SLC6A11: variants seen among roughly 807,000 people sequenced by gnomAD.
The protein encoded by SLC6A11 is solute carrier family 6 member 11, also known as sodium- and chloride-dependent GABA transporter 3.
SLC6A11 carries 25 observed loss-of-function variants against 74.8 expected under a neutral mutation model. The observed-to-expected ratio is 0.33, with a 90% CI of 0.24 to 0.47. The LOEUF is 0.47. Among genes scored for constraint, SLC6A11 ranks in the 20% least tolerant of loss-of-function variants. The pLI, the probability that SLC6A11 is intolerant of heterozygous loss-of-function variation, is 1.00. For missense variants in SLC6A11, 574 were observed against 837.0 expected (o/e 0.69, Z 3.88); for synonymous variants, 330 against 330.2 (o/e 1.00, Z 0.01).
Position 10,853,784 on chromosome 3 carries a change from C to T in SLC6A11, c.756+9438C>T, listed in dbSNP as rs146116704. ...GAATCACATCTATGAAATACCTTCA[C>T]GGCAACACCTTGATTCATGTTTGAT... On this transcript the variant is annotated intron_variant, in intron 5 of 13. Transcript: ENST00000254488. Among the ~76,000 whole-genome samples the T allele has an allele frequency of 2.1e-3, 327 of 152,344 alleles. 2 individuals are homozygous for T. Among genetic ancestry groups the T allele is most frequent in the African/African-American group, 7.6e-3 (315 of 41,588 alleles).
intron 6 of SLC6A11, among the ~76,000 whole-genome samples, chr3:10,888,248 G>A (rs932892627): frequency 3.3e-5 from 5 of 152,172 alleles, no homozygotes; most frequent in Admixed American, 3.3e-4. Context: ...CTTCCTCCTT[G>A]CAGATTTGTT....
intron 6 of SLC6A11, among the ~76,000 whole-genome samples, chr3:10,882,996 C>T (rs547890788): frequency 6.6e-6 from 1 of 152,286 alleles, no homozygotes; most frequent in South Asian, 2.1e-4. Flanking sequence ...CTCATTTTTG[C>T]CTCCACCTTG....
chr3:10,859,147 G>C (rs1169889967), intron 5 of SLC6A11, among the ~76,000 whole-genome samples: 2 of 152,180 alleles, frequency 1.3e-5, no homozygotes, highest in African/African-American at 4.8e-5. Flanking sequence ...GAATAGGAGG[G>C]GGCTGAGACC....
At chr3:10,901,375 G>A (rs985032987) in intron 6 of SLC6A11, among the ~76,000 whole-genome samples, 1 of 152,178 alleles carries the variant, frequency 6.6e-6, no homozygotes, top group African/African-American at 2.4e-5. Context: ...CACACAAAGG[G>A]GCCACCGGGG....
At chr3:10,870,657 C>T (rs1222726505) in intron 5 of SLC6A11, among the ~76,000 whole-genome samples, 1 of 152,190 alleles carries the variant, frequency 6.6e-6, no homozygotes, top group South Asian at 2.1e-4. Flanking sequence ...TTAGAAGTAG[C>T]TTTTACAGAG....
intron 6 of SLC6A11, among the ~76,000 whole-genome samples, chr3:10,896,832 G>A: frequency 6.6e-6 from 1 of 152,198 alleles, no homozygotes; most frequent in East Asian, 1.9e-4. Flanking sequence ...CTTAGCAGCA[G>A]AAAGCCCCAA....
intron 6 of SLC6A11, among the ~76,000 whole-genome samples, chr3:10,882,494 C>A (rs1694993980): frequency 6.6e-6 from 1 of 152,166 alleles, no homozygotes; most frequent in Non-Finnish European, 1.5e-5. Flanking sequence ...GATGTACGCC[C>A]CATGCAGGTG....
At position 10,921,540 on chromosome 3, in the gene SLC6A11, C is replaced by T. The variant is rs114695347; in HGVS notation, c.1120+3087C>T. ...AAATATTTATTAACCCAAAAGAATG[C>T]GGGAAAGTGCCACAGAGTAAAACTA... On this transcript the variant is annotated intron_variant, in intron 8 of 13. Coordinates refer to ENST00000254488, the MANE Select transcript of SLC6A11 (RefSeq NM_014229.3). 7.0e-3 allele frequency among the ~76,000 whole-genome samples: 1,057 copies of T among 151,982 alleles called. 10 individuals carry two copies. Among genetic ancestry groups the T allele is most frequent in the African/African-American group, 0.024 (993 of 41,430 alleles).
At chr3:10,869,977 C>G (rs1319780738) in intron 5 of SLC6A11, among the ~76,000 whole-genome samples, 1 of 152,070 alleles carries the variant, frequency 6.6e-6, no homozygotes, top group African/African-American at 2.4e-5. Context: ...TCTGAGCATA[C>G]CTGAGTGACA....
intron 6 of SLC6A11, among the ~76,000 whole-genome samples, chr3:10,897,232 C>A (rs867712691): frequency 6.6e-6 from 1 of 152,174 alleles, no homozygotes; most frequent in African/African-American, 2.4e-5. Context: ...AAAACCATAT[C>A]ATTCTGCCCC....
intron 5 of SLC6A11, among the ~76,000 whole-genome samples, chr3:10,865,052 A>G (rs553001328): frequency 6.6e-6 from 1 of 152,286 alleles, no homozygotes; most frequent in African/African-American, 2.4e-5. Flanking sequence ...ACCCTCAGAT[A>G]TGTTGTTCTC....
At position 10,819,774 on chromosome 3, in the gene SLC6A11, G is replaced by A. The variant is rs781097600; in HGVS notation, c.454G>A (p.Ala152Thr). 1.9e-6 allele frequency: 3 copies of A among 1,614,202 alleles called. No homozygotes were observed. The highest frequency in any genetic ancestry group is 1.6e-4 in the Middle Eastern group (1 of 6,062). The change falls in exon 3 of 14, where the codon GCA becomes ACA. Residue 152 changes from alanine (A) to threonine (T), a missense_variant. Transcript: ENST00000254488. Reference sequence around the variant, plus strand: ...GAATGTGTACTACATCATCATCCTGGCATGGGCCATTTTTTACCTGAGCAA... The same window carrying A: ...GAATGTGTACTACATCATCATCCTGACATGGGCCATTTTTTACCTGAGCAA... ...HLNVYYIIIL[A>T]WAIFYLSNCF...
At chr3:10,833,617 C>T (rs1055592624) in intron 4 of SLC6A11, among the ~76,000 whole-genome samples, 15 of 152,264 alleles carry the variant, frequency 9.9e-5, no homozygotes, top group African/African-American at 3.6e-4. Context: ...GACCTAGAGA[C>T]CTGGGCTTTG....
At chr3:10,913,428 A>G (rs1695413030) in intron 7 of SLC6A11, among the ~76,000 whole-genome samples, 2 of 152,182 alleles carry the variant, frequency 1.3e-5, no homozygotes, top group South Asian at 4.1e-4. Context: ...TCCCACTTCC[A>G]CCTTCTATAC....
intron 6 of SLC6A11, 125 bp from the exon 7 acceptor site, chr3:10,911,965 T>G (rs1188112526): frequency 2.8e-6 from 2 of 712,892 alleles, no homozygotes; most frequent in African/African-American, 1.8e-5. Context: ...GTTAGGAAGT[T>G]TAATTATCCC....
chr3:10,936,521 C>T (rs1037782522), intron 13 of SLC6A11, among the ~76,000 whole-genome samples: 1 of 151,562 alleles, frequency 6.6e-6, no homozygotes, highest in Non-Finnish European at 1.5e-5. Flanking sequence ...TGCACCCAAC[C>T]CACCTGCCTG....
chr3:10,906,574 A>C (rs1256191839), intron 6 of SLC6A11, among the ~76,000 whole-genome samples: 1 of 152,222 alleles, frequency 6.6e-6, no homozygotes, highest in African/African-American at 2.4e-5. Context: ...ACATCACCTC[A>C]AATGAGGAGG....
intron 5 of SLC6A11, among the ~76,000 whole-genome samples, chr3:10,851,272 C>T (rs1199340721): frequency 6.6e-6 from 1 of 152,148 alleles, no homozygotes; most frequent in African/African-American, 2.4e-5. Flanking sequence ...CTGGTCCCTT[C>T]CCCGCCTCCT....
intron 5 of SLC6A11, among the ~76,000 whole-genome samples, chr3:10,861,226 C>T (rs965142696): frequency 6.6e-6 from 1 of 152,164 alleles, no homozygotes; most frequent in African/African-American, 2.4e-5. Flanking sequence ...TGAAAGAATG[C>T]ATGAAGAGGC....
Sources: gnomAD v4.1 joint callset for allele counts (sites outside exome capture counted in the v4.1 genomes callset) on GRCh38, gnomAD v4.1.1 for gene constraint, MANE v1.5 for transcripts, NCBI Gene and HGNC (gene_info 2026-07-23, HGNC 2026-07-21) for gene names.